ROR2: variants seen among roughly 807,000 people sequenced by gnomAD.
The protein encoded by ROR2 is ROR family WNT receptor 2, also known as tyrosine-protein kinase transmembrane receptor ROR2.
ROR2 carries 33 observed loss-of-function variants against 74.9 expected under a neutral mutation model. That is an observed-to-expected ratio of 0.44 (90% CI 0.33 to 0.59). The LOEUF (loss-of-function observed/expected upper bound fraction) is 0.59, where lower values mean the gene tolerates loss of function less well. Ranked by LOEUF, ROR2 falls within the 20% of genes least tolerant of loss-of-function variation. ROR2 has a pLI of 0.02. For synonymous variants in ROR2, 586 were observed against 558.7 expected, an observed-to-expected ratio of 1.05 and a Z score of -0.69; for missense variants, 1,216 against 1,313.8, an observed-to-expected ratio of 0.93 and a Z score of 1.15.
At chr9:91,805,518 G>A (rs1459758997) in intron 1 of ROR2, among the ~76,000 whole-genome samples, 5 of 152,136 alleles carry the variant, frequency 3.3e-5, no homozygotes, top group African/African-American at 1.2e-4. Context: ...GCCTAAACAG[G>A]CTGCTCCCCC....
intron 1 of ROR2, among the ~76,000 whole-genome samples, chr9:91,946,734 G>A (rs1832022949): frequency 1.3e-5 from 2 of 148,154 alleles, no homozygotes; most frequent in Non-Finnish European, 3.0e-5. Context: ...GGGAGCTCAA[G>A]TCCTTCACAT....
intron 4 of ROR2, among the ~76,000 whole-genome samples, chr9:91,745,156 G>A (rs1011450179): frequency 6.6e-6 from 1 of 151,432 alleles, no homozygotes; most frequent in South Asian, 2.1e-4. Context: ...ACGAAGTCTC[G>A]CTCTTTTTGC....
At chr9:91,802,067 GTTTT>G (rs60111555) in intron 1 of ROR2, among the ~76,000 whole-genome samples, 3,223 of 103,660 alleles carry the variant, frequency 0.031, 53 homozygotes, top group East Asian at 0.15. Flanking sequence ...TTTGGAAGGT[GTTTT>G]TTTTTTTTTT....
chr9:91,805,703 G>T (rs1209391570), intron 1 of ROR2, among the ~76,000 whole-genome samples: 4 of 152,080 alleles, frequency 2.6e-5, no homozygotes, highest in African/African-American at 7.2e-5. Flanking sequence ...ATGAACATAC[G>T]TACACACACC....
chr9:91,774,555 A>G (rs575385641), intron 2 of ROR2, among the ~76,000 whole-genome samples: 1 of 152,178 alleles, frequency 6.6e-6, no homozygotes, highest in Non-Finnish European at 1.5e-5. Flanking sequence ...CCTGCTCCCC[A>G]AACAGAAAGC....
At chr9:91,737,769 GT>G (rs751037737) in intron 4 of ROR2, among the ~76,000 whole-genome samples, 15 of 152,064 alleles carry the variant, frequency 9.9e-5, no homozygotes, top group Non-Finnish European at 1.5e-4. Flanking sequence ...TAAACAAACT[GT>G]GGTACATCCA....
chr9:91,872,917 C>T (rs1028575407), intron 1 of ROR2, among the ~76,000 whole-genome samples: 3 of 152,172 alleles, frequency 2.0e-5, no homozygotes, highest in Non-Finnish European at 4.4e-5. Flanking sequence ...GGTCCACAGG[C>T]CAAGTGTCCC....
chr9:91,887,653 T>A (rs1830320251), intron 1 of ROR2, among the ~76,000 whole-genome samples: 1 of 152,208 alleles, frequency 6.6e-6, no homozygotes, highest in Non-Finnish European at 1.5e-5. Flanking sequence ...TGCCTGGGAA[T>A]GCAATTGCAC....
At chr9:91,764,865 AGGCAATACTGTCCTCT>A (rs1311124433) in intron 2 of ROR2, among the ~76,000 whole-genome samples, 2 of 152,190 alleles carry the variant, frequency 1.3e-5, no homozygotes, top group African/African-American at 4.8e-5. Flanking sequence ...ATAGAATTTG[AGGCAATACTGTCCTCT>A]GGCTTCTATG....
intron 1 of ROR2, among the ~76,000 whole-genome samples, chr9:91,827,963 G>A (rs1828344360): frequency 6.6e-6 from 1 of 152,232 alleles, no homozygotes; most frequent in Non-Finnish European, 1.5e-5. Context: ...ACACAGTAAA[G>A]ATCTCCTTTC....
intron 6 of ROR2, among the ~76,000 whole-genome samples, chr9:91,732,080 C>T (rs1051453930): frequency 6.6e-6 from 1 of 152,170 alleles, no homozygotes; most frequent in Non-Finnish European, 1.5e-5. Flanking sequence ...AGGCAACGGG[C>T]CCAAGGACCA....
chr9:91,832,059 A>G (rs1240970726), intron 1 of ROR2, among the ~76,000 whole-genome samples: 1 of 152,126 alleles, frequency 6.6e-6, no homozygotes, highest in South Asian at 2.1e-4. Context: ...GCTTGACCAT[A>G]AAGTCACCAC....
At chr9:91,892,900 T>C (rs182383206) in intron 1 of ROR2, among the ~76,000 whole-genome samples, 90 of 152,220 alleles carry the variant, frequency 5.9e-4, no homozygotes, top group African/African-American at 2.1e-3. Flanking sequence ...ACAGATACTT[T>C]CTCTTTTGTA....
intron 1 of ROR2, among the ~76,000 whole-genome samples, chr9:91,836,215 G>A (rs1247720608): frequency 6.6e-6 from 1 of 152,078 alleles, no homozygotes; most frequent in East Asian, 1.9e-4. Context: ...TTGTCGTATG[G>A]CACTTTGTCC....
At position 91,937,029 on chromosome 9, in the gene ROR2, C is replaced by CAAAAAA. The variant is rs540672189; in HGVS notation, c.97+12832_97+12837dup. Among the ~76,000 whole-genome samples, 19 of 65,642 alleles carry CAAAAAA rather than the reference C, an allele frequency of 2.9e-4. 1 individual carries two copies. Among genetic ancestry groups the CAAAAAA allele is most frequent in the African/African-American group, 4.9e-4 (8 of 16,348 alleles). 43.1% of individuals were successfully genotyped at this position (65,642 alleles called of 152,430 possible). ...TGGGCGACAGAGCGAGACTCCGTCT[C>CAAAAAA]AAAAAAAAAAAAAAAAAAGATTTCC... is the stretch of plus-strand genomic sequence containing the variant. On this transcript the variant is annotated intron_variant, in intron 1 of 8. Coordinates refer to ENST00000375708, the MANE Select transcript of ROR2 (RefSeq NM_004560.4).
At chr9:91,864,214 G>T (rs1011055809) in intron 1 of ROR2, among the ~76,000 whole-genome samples, 5 of 152,212 alleles carry the variant, frequency 3.3e-5, no homozygotes, top group African/African-American at 1.2e-4. Context: ...CAGGATTCCT[G>T]TTAGATTATG....
intron 1 of ROR2, among the ~76,000 whole-genome samples, chr9:91,824,449 C>G (rs1219980909): frequency 7.2e-5 from 11 of 152,218 alleles, no homozygotes; most frequent in Admixed American, 7.2e-4. Context: ...TGTGCACACG[C>G]CGGGGGCAGG....
At chr9:91,730,847 C>T (rs555870993) in intron 7 of ROR2, 63 bp downstream of exon 7, 34 of 1,607,580 alleles carry the variant, frequency 2.1e-5, no homozygotes, top group African/African-American at 4.0e-5. Context: ...CAGGACAGAA[C>T]GCCCTCATCA....
In ROR2 at chr9:91,927,562, C is replaced by CTTTTTTTT. The variant is rs775823582; in HGVS notation, c.97+22297_97+22304dup. Among the ~76,000 whole-genome samples the CTTTTTTTT allele has an allele frequency of 1.2e-4, 11 of 94,944 alleles. 1 individual carries two copies. Among genetic ancestry groups the CTTTTTTTT allele is most frequent in the Non-Finnish European group, 1.8e-4 (9 of 50,508 alleles). 62.3% of individuals were successfully genotyped at this position (94,944 alleles called of 152,430 possible). On this transcript the variant is annotated intron_variant, in intron 1 of 8. Transcript: ENST00000375708. Reference sequence around the variant, plus strand: ...TGGCTGGCTCTGTGTTTTCTAGATTCTTTTTTTTTTTTTTTTTTTTTGAGA... The same window carrying CTTTTTTTT: ...TGGCTGGCTCTGTGTTTTCTAGATTCTTTTTTTTTTTTTTTTTTTTTTTTTTTTTGAGA...
Sources: allele counts gnomAD v4.1 joint callset (sites outside exome capture counted in the v4.1 genomes callset), GRCh38; gene constraint gnomAD v4.1.1; transcripts MANE v1.5; gene names NCBI Gene and HGNC (gene_info 2026-07-23, HGNC 2026-07-21).